MPDZ: variants seen among roughly 807,000 people sequenced by gnomAD.
The protein encoded by MPDZ is multiple PDZ domain protein.
A neutral mutation model predicts 239.1 loss-of-function variants in MPDZ; 234 were observed. The observed-to-expected ratio is 0.98, with a 90% CI of 0.88 to 1.09. The LOEUF is 1.09. MPDZ is among the 50% of genes least tolerant of loss of function. The pLI is 0.00. For missense variants in MPDZ, 3,175 were observed against 2,510.0 expected, an observed-to-expected ratio of 1.26 and a Z score of -5.66; for synonymous variants, 1,048 against 881.3, an observed-to-expected ratio of 1.19 and a Z score of -3.35.
chr9:13,277,440 G>T lies in MPDZ; in HGVS notation c.-58+1960C>A, dbSNP rs182181935. Among the ~76,000 whole-genome samples the T allele has an allele frequency of 1.5e-3, 228 of 152,222 alleles. 1 individual carries two copies. Among genetic ancestry groups the T allele is most frequent in the Middle Eastern group, 3.4e-3 (1 of 294 alleles). ...TAGGGAAGAAGAACGGAGAGTCAAG[G>T]GGTACCCAAAACTAGTTTTGCCTAC... On this transcript the variant is annotated intron_variant, in intron 1 of 46. Transcript: ENST00000319217.
intron 19 of MPDZ, among the ~76,000 whole-genome samples, chr9:13,179,873 A>G (rs1318194171): frequency 6.6e-6 from 1 of 152,198 alleles, no homozygotes; most frequent in South Asian, 2.1e-4. Context: ...ACGAGCATTT[A>G]ATAGCCATAA....
chr9:13,106,865 G>C lies in MPDZ; in HGVS notation c.*100C>G. 1 of 1,333,896 alleles carries C rather than the reference G, an allele frequency of 7.5e-7. No homozygotes were observed. Among genetic ancestry groups the C allele is most frequent in the Non-Finnish European group, 1.0e-6 (1 of 970,046 alleles). The allele number at this position is 1,333,896 out of a possible 1,614,324, so 82.6% of individuals were successfully genotyped here. A position where few individuals can be genotyped will look rare whatever the true frequency, so the allele number is the denominator to read the frequency against. On this transcript the variant is annotated 3_prime_UTR_variant, in exon 47 of 47. Transcript: ENST00000319217. ...GTTATTTCCCCCCTACAGTTTTGAA[G>C]ACCCGGCTGAACACAGCATAAAAAT...
intron 1 of MPDZ, among the ~76,000 whole-genome samples, chr9:13,271,246 A>C (rs1463872781): frequency 1.3e-5 from 2 of 152,220 alleles, no homozygotes; most frequent in Non-Finnish European, 2.9e-5. Flanking sequence ...GTTTATCAAA[A>C]TGGGGCATGA....
rs1163669825 is a variant in MPDZ, at chr9:13,126,714, A to T, written c.4523T>A (p.Ile1508Lys). 3.7e-6 allele frequency: 6 copies of T among 1,613,920 alleles called. No individual in the cohort carries two copies. The highest frequency in any genetic ancestry group is 4.2e-6 in the Non-Finnish European group (5 of 1,179,828). ...SEEDTLSGVI[I>K]KSLTEHGVAA... The stretch of plus-strand genomic sequence containing the variant: ...TACCCCATGCTCTGTTAAGCTCTTT[A>T]TGATGACTCCACTGAGTGTATCTTC... Residue 1508 changes from isoleucine (I) to lysine (K), a missense_variant, in exon 33 of 47, where the codon ATA (isoleucine) becomes AAA (lysine). Coordinates refer to ENST00000319217, the MANE Select transcript of MPDZ (RefSeq NM_001378778.1).
At chr9:13,244,149 TG>T (rs1966051695) in intron 3 of MPDZ, among the ~76,000 whole-genome samples, 1 of 152,206 alleles carries the variant, frequency 6.6e-6, no homozygotes, top group Non-Finnish European at 1.5e-5. Context: ...TTAGTGCCAC[TG>T]GTCAATTCTT....
intron 23 of MPDZ, among the ~76,000 whole-genome samples, chr9:13,160,180 G>C (rs572988479): frequency 2.0e-5 from 3 of 152,130 alleles, no homozygotes; most frequent in Non-Finnish European, 4.4e-5. Flanking sequence ...ATGCTTCGTA[G>C]ACTTGTGCAA....
intron 1 of MPDZ, among the ~76,000 whole-genome samples, chr9:13,250,641 T>C (rs1967699312): frequency 6.6e-6 from 1 of 152,222 alleles, no homozygotes; most frequent in Non-Finnish European, 1.5e-5. Context: ...GTTTCAAACA[T>C]ATTTCCATAA....
chr9:13,201,829 T>C (rs184110526), intron 12 of MPDZ, among the ~76,000 whole-genome samples: 1 of 152,238 alleles, frequency 6.6e-6, no homozygotes, highest in East Asian at 1.9e-4. Context: ...TGAAACAAAT[T>C]TCTCATTGTG....
chr9:13,140,514 G>C (rs1379819721), intron 27 of MPDZ, among the ~76,000 whole-genome samples: 1 of 149,366 alleles, frequency 6.7e-6, no homozygotes, highest in Non-Finnish European at 1.5e-5. Context: ...TATATAGATA[G>C]ATAGATAGAT....
intron 14 of MPDZ, 147 bp from the exon 15 acceptor site, chr9:13,192,442 C>T (rs974495219): frequency 4.5e-6 from 3 of 665,018 alleles, no homozygotes; most frequent in Non-Finnish European, 7.2e-6. Flanking sequence ...TGTGGAAATA[C>T]TATCTAAATT....
At chr9:13,272,799 T>C (rs1198473426) in intron 1 of MPDZ, among the ~76,000 whole-genome samples, 1 of 151,492 alleles carries the variant, frequency 6.6e-6, no homozygotes, top group Non-Finnish European at 1.5e-5. Flanking sequence ...CTGGGACACT[T>C]GTGGGGAGTG....
At chr9:13,242,206 G>A (rs1444253256) in intron 3 of MPDZ, among the ~76,000 whole-genome samples, 3 of 117,084 alleles carry the variant, frequency 2.6e-5, no homozygotes, top group Non-Finnish European at 3.6e-5. Context: ...TTAATTTTAT[G>A]TTAGGATGCT....
Position 13,121,849 on chromosome 9 carries a change from T to C in MPDZ, c.5121A>G (p.Thr1707=). Residue 1707 remains threonine, a synonymous_variant, in exon 38 of 47, where the codon ACA becomes ACG. Transcript: ENST00000319217. ...TGTATGGGGCCTCATCTCTGTAGAG[T>C]GTCAGGCGCACTCTCTGTGGCGTCT... ...LRQTPQRVRL[T]LYRDEAPYKE... 6.2e-7 allele frequency: 1 copy of C among 1,613,866 alleles called. No homozygotes were observed. The highest frequency in any genetic ancestry group is 8.5e-7 in the Non-Finnish European group (1 of 1,179,852).
intron 23 of MPDZ, among the ~76,000 whole-genome samples, chr9:13,160,830 T>TCATATATATA: frequency 2.6e-5 from 1 of 37,990 alleles, no homozygotes; most frequent in Non-Finnish European, 5.3e-5. Context: ...ATTATTAAAA[T>TCATATATATA]TATATATATA....
chr9:13,202,482 G>A (rs1198716537), intron 12 of MPDZ, among the ~76,000 whole-genome samples: 1 of 152,176 alleles, frequency 6.6e-6, no homozygotes, highest in Non-Finnish European at 1.5e-5. Flanking sequence ...GAACCAGCCA[G>A]TATCTTCAAC....
chr9:13,217,737 TC>T (rs1347994525), intron 8 of MPDZ, among the ~76,000 whole-genome samples: 1 of 151,854 alleles, frequency 6.6e-6, no homozygotes, highest in Non-Finnish European at 1.5e-5. Flanking sequence ...TGGTCAACTA[TC>T]AGGAAAAGAA....
At chr9:13,202,363 T>C (rs754663320) in intron 12 of MPDZ, among the ~76,000 whole-genome samples, 1 of 152,152 alleles carries the variant, frequency 6.6e-6, no homozygotes, top group African/African-American at 2.4e-5. Flanking sequence ...AATCCCAACC[T>C]TTCAGTTGTT....
chr9:13,149,869 G>A (rs762618434), intron 25 of MPDZ, among the ~76,000 whole-genome samples: 3 of 151,896 alleles, frequency 2.0e-5, no homozygotes, highest in Admixed American at 6.6e-5. Flanking sequence ...ATTGATGAAT[G>A]AACACAGCAC....
chr9:13,224,129 G>A (rs1157822823), intron 4 of MPDZ, among the ~76,000 whole-genome samples: 1 of 151,726 alleles, frequency 6.6e-6, no homozygotes, highest in South Asian at 2.1e-4. Flanking sequence ...ATTTTTCCAA[G>A]GTAATTGTTA....
Sources: gnomAD v4.1 joint callset for allele counts (sites outside exome capture counted in the v4.1 genomes callset) on GRCh38, gnomAD v4.1.1 for gene constraint, MANE v1.5 for transcripts, NCBI Gene and HGNC (gene_info 2026-07-23, HGNC 2026-07-21) for gene names.